The following EBF4 variants were observed in gnomAD, a reference collection of about 807,000 sequenced individuals.
The protein encoded by EBF4 is transcription factor COE4.
A neutral mutation model predicts 67.1 loss-of-function variants in EBF4; 34 were observed. That is an observed-to-expected ratio of 0.51 (90% CI 0.39 to 0.67). The LOEUF (loss-of-function observed/expected upper bound fraction) is 0.67, where lower values mean the gene tolerates loss of function less well. Ranked by LOEUF, EBF4 falls within the 30% of genes least tolerant of loss-of-function variation. EBF4 has a pLI of 0.00. For missense variants in EBF4, 837 were observed against 873.3 expected (o/e 0.96, Z 0.52); for synonymous variants, 387 against 377.7 (o/e 1.02, Z -0.29).
At chr20:2,695,328 G>A (rs1214911513) in intron 1 of EBF4, among the ~76,000 whole-genome samples, 1 of 152,120 alleles carries the variant, frequency 6.6e-6, no homozygotes, top group African/African-American at 2.4e-5. Context: ...AGACGTGAAG[G>A]AGGCAGTGCC....
rs780304538 is a variant in EBF4, at chr20:2,716,044, C to T, written c.557+6402C>T. ...GATTACAGGCATGAGCCACCGCGCC[C>T]GGCCTTACTCTGTATTTTACTTTAA... On this transcript the variant is annotated intron_variant, in intron 6 of 16. Coordinates refer to ENST00000609451, the Ensembl canonical transcript of EBF4. Among the ~76,000 whole-genome samples, 29 of 150,414 alleles carry T rather than the reference C, an allele frequency of 1.9e-4. 2 individuals are homozygous for T. Among genetic ancestry groups the T allele is most frequent in the Middle Eastern group, 6.8e-3 (2 of 292 alleles).
At position 2,745,618 on chromosome 20, in the gene EBF4, C is replaced by T. The variant is rs1282341649; in HGVS notation, c.558-2931C>T. ...AACCTGTACTGTAAAGGGACAGTGG[C>T]AAGACCTGCTGAGCAAAGGCTTGGG... On this transcript the variant is annotated intron_variant, in intron 6 of 16. Transcript: ENST00000609451. The surrounding 1 kb of genome is among the most constrained non-coding windows in gnomAD (Gnocchi z 5.2). 6.6e-6 allele frequency among the ~76,000 whole-genome samples: 1 copy of T among 152,158 alleles called. No homozygotes were observed. Among genetic ancestry groups the T allele is most frequent in the Non-Finnish European group, 1.5e-5 (1 of 68,032 alleles).
At chr20:2,759,015 GC>G (rs984124488) in intron 16 of EBF4, 31 bp downstream of exon 16, 2 of 1,536,576 alleles carry the variant, frequency 1.3e-6, no homozygotes, top group Non-Finnish European at 1.8e-6. Context: ...GGCCTCCCCC[GC>G]CCCACCTGGC....
intron 6 of EBF4, among the ~76,000 whole-genome samples, chr20:2,733,424 G>C (rs2087840632): frequency 6.6e-6 from 1 of 152,014 alleles, no homozygotes; most frequent in Non-Finnish European, 1.5e-5. Context: ...AGTTTACTGA[G>C]CTTCTTAAGA....
At position 2,693,793 on chromosome 20, in the gene EBF4, G is replaced by C; in HGVS notation, c.137+11G>C. 7.7e-7 allele frequency: 1 copy of C among 1,291,830 alleles called. No individual in the cohort carries two copies. The highest frequency in any genetic ancestry group is 2.2e-5 in the South Asian group (1 of 44,766). 80.0% of individuals were successfully genotyped at this position (1,291,830 alleles called of 1,614,324 possible). ...CACCGCGGCGCAGAGGTAAGCGCTC[G>C]GACCGGACCCGGTGCGCTCGGGTTG... On this transcript the variant is annotated intron_variant, in intron 1 of 16. Coordinates refer to ENST00000609451, the Ensembl canonical transcript of EBF4. The surrounding 1 kb of genome is among the most constrained non-coding windows in gnomAD (Gnocchi z 4.6).
rs1451332503 is a variant in EBF4 at position 2,747,315 on chromosome 20, AAC to A, written c.558-1232_558-1231del. Among the ~76,000 whole-genome samples, 3 of 140,400 alleles carry A rather than the reference AAC, an allele frequency of 2.1e-5. No individual in the cohort carries two copies. The highest frequency in any genetic ancestry group is 3.1e-5 in the Non-Finnish European group (2 of 65,406). The allele number at this position is 140,400 out of a possible 152,430, so 92.1% of individuals were successfully genotyped here. A position where few individuals can be genotyped will look rare whatever the true frequency, so the allele number is the denominator to read the frequency against. On this transcript the variant is annotated intron_variant, in intron 6 of 16. Transcript: ENST00000609451. The surrounding 1 kb of genome is among the most constrained non-coding windows in gnomAD (Gnocchi z 4.6). ...CTGTCTCAAAACAAAAAACAAAACAAACAAAAAAAAAAAAACAGGAAAAAAAA... is the reference window on the plus strand; with the variant it reads ...CTGTCTCAAAACAAAAAACAAAACAAAAAAAAAAAAAAACAGGAAAAAAAA...
chr20:2,711,444 G>A (rs58029869), intron 6 of EBF4, among the ~76,000 whole-genome samples: 1,612 of 152,246 alleles, frequency 0.011, 29 homozygotes, highest in African/African-American at 0.037. Flanking sequence ...CATTTCACAC[G>A]TGTAAATTTA....
At chr20:2,719,840 C>A (rs865812205) in intron 6 of EBF4, among the ~76,000 whole-genome samples, 5 of 152,134 alleles carry the variant, frequency 3.3e-5, no homozygotes, top group African/African-American at 1.2e-4. Flanking sequence ...ATTTTGCCTG[C>A]GCTTGTGAAG....
At position 2,706,358 on chromosome 20, in the gene EBF4, A is replaced by G. The variant is rs557918604; in HGVS notation, c.414+94A>G. 345 of 1,407,254 alleles carry G rather than the reference A, an allele frequency of 2.5e-4. 1 individual carries two copies. In the South Asian group the frequency reaches 4.1e-3, roughly 17 times the overall value. The allele number at this position is 1,407,254 out of a possible 1,614,324, so 87.2% of individuals were successfully genotyped here. On this transcript the variant is annotated intron_variant, in intron 4 of 16. Transcript: ENST00000609451. ...AGTGAGCCTCCTTGTTCCTGCCCTC[A>G]TCTCCCTATGCCCTCCGTCCCCATC...
intron 1 of EBF4, among the ~76,000 whole-genome samples, chr20:2,697,403 G>C (rs1362611382): frequency 6.6e-6 from 1 of 152,010 alleles, no homozygotes; most frequent in African/African-American, 2.4e-5. Context: ...AAATTAGCCG[G>C]GCGTGGTGGC....
chr20:2,716,529 CAA>C (rs60033313), intron 6 of EBF4, among the ~76,000 whole-genome samples: 19 of 107,736 alleles, frequency 1.8e-4, no homozygotes, highest in African/African-American at 3.6e-4. Context: ...AACTCCGTCT[CAA>C]AAAAAAAAAA....
intron 1 of EBF4, among the ~76,000 whole-genome samples, chr20:2,695,341 T>C (rs1320037932): frequency 6.6e-6 from 1 of 152,088 alleles, no homozygotes; most frequent in Non-Finnish European, 1.5e-5. Flanking sequence ...GCAGTGCCCT[T>C]GGAGACTGCG....
In EBF4 at chr20:2,756,363, C is replaced by T. The variant is rs1285401728; in HGVS notation, c.1738+539C>T. 2.0e-5 allele frequency among the ~76,000 whole-genome samples: 3 copies of T among 152,246 alleles called. No homozygotes were observed. The highest frequency in any genetic ancestry group is 7.2e-5 in the African/African-American group (3 of 41,456). ...CCCATTCATGAAATGGCTGTTCTCT[C>T]ACTTTACCCATGTGCAGCAGAACCT... is the stretch of plus-strand genomic sequence containing the variant. On this transcript the variant is annotated intron_variant, in intron 15 of 16. Coordinates refer to ENST00000609451, the Ensembl canonical transcript of EBF4. This position sits in a 1 kb window ranked among gnomAD's most constrained non-coding sequence, Gnocchi z 4.5.
At chr20:2,715,373 G>A (rs1217549567) in intron 6 of EBF4, among the ~76,000 whole-genome samples, 2 of 152,188 alleles carry the variant, frequency 1.3e-5, no homozygotes. Flanking sequence ...GTTGTATTTA[G>A]CTGTAGTTTG....
intron 6 of EBF4, among the ~76,000 whole-genome samples, chr20:2,744,805 G>A (rs1307744433): frequency 6.6e-6 from 1 of 152,042 alleles, no homozygotes; most frequent in Non-Finnish European, 1.5e-5. Flanking sequence ...AGTCACATAT[G>A]TAATGTTAAA....
chr20:2,697,772 C>A (rs1003315125), intron 1 of EBF4, among the ~76,000 whole-genome samples: 2 of 152,150 alleles, frequency 1.3e-5, no homozygotes, highest in East Asian at 1.9e-4. Flanking sequence ...TCCCCTGACT[C>A]CCCTGAAGAC....
chr20:2,713,510 G>A (rs6076426), intron 6 of EBF4, among the ~76,000 whole-genome samples: 15,907 of 152,150 alleles, frequency 0.1, 907 homozygotes, highest in Admixed American at 0.14. Flanking sequence ...ATTGACAAGC[G>A]GCACTGAGGG....
At position 2,707,604 on chromosome 20, in the gene EBF4, G is replaced by A. The variant is rs567233948; in HGVS notation, c.415-343G>A. Among the ~76,000 whole-genome samples, 1 of 152,102 alleles carries A rather than the reference G, an allele frequency of 6.6e-6. No homozygotes were observed. Among genetic ancestry groups the A allele is most frequent in the South Asian group, 2.1e-4 (1 of 4,828 alleles). On this transcript the variant is annotated intron_variant, in intron 4 of 16. Transcript: ENST00000609451. The surrounding 1 kb of genome is among the most constrained non-coding windows in gnomAD (Gnocchi z 4.6). ...TGCTGGGGGAGGGGAGGGGCCTGGTGCTGGGTGGGCACAGGAGTATGTCTA... is the reference window on the plus strand; with the variant it reads ...TGCTGGGGGAGGGGAGGGGCCTGGTACTGGGTGGGCACAGGAGTATGTCTA...
At position 2,747,253 on chromosome 20, in the gene EBF4, A is replaced by T. The variant is rs1204471080; in HGVS notation, c.558-1296A>T. Among the ~76,000 whole-genome samples, 1 of 151,442 alleles carries T rather than the reference A, an allele frequency of 6.6e-6. No homozygotes were observed. The highest frequency in any genetic ancestry group is 1.5e-5 in the Non-Finnish European group (1 of 67,880). ...CTTGAACCCAGGAGGTGGAGGTTGCAGTGAGACATGGCGAGCCTGGGCAAC... is the reference window on the plus strand; with the variant it reads ...CTTGAACCCAGGAGGTGGAGGTTGCTGTGAGACATGGCGAGCCTGGGCAAC... On this transcript the variant is annotated intron_variant, in intron 6 of 16. Transcript: ENST00000609451. The surrounding 1 kb of genome is among the most constrained non-coding windows in gnomAD (Gnocchi z 4.6).
Sources: gnomAD v4.1 joint callset for allele counts (sites outside exome capture counted in the v4.1 genomes callset) on GRCh38, gnomAD v4.1.1 for gene constraint, Gnocchi (gnomAD v3.1) non-coding constraint, MANE v1.5 for transcripts, NCBI Gene and HGNC (gene_info 2026-07-23, HGNC 2026-07-21) for gene names.